Variants in ANO2 observed in about 807,000 individuals in gnomAD.
The protein encoded by ANO2 is anoctamin-2.
In ANO2, 101 loss-of-function variants were observed where a neutral mutation model predicts 124.2. That is an observed-to-expected ratio of 0.81 (90% CI 0.69 to 0.96). The LOEUF (loss-of-function observed/expected upper bound fraction) is 0.96. Ranked by LOEUF, ANO2 falls within the 40% of genes least tolerant of loss-of-function variation. The pLI is 0.00. For missense variants in ANO2, 1,293 were observed against 1,274.5 expected (o/e 1.01, Z -0.22); for synonymous variants, 486 against 482.5 (o/e 1.01, Z -0.09).
intron 3 of ANO2, among the ~76,000 whole-genome samples, chr12:5,919,940 G>A (rs1422116431): frequency 3.9e-5 from 6 of 151,934 alleles, no homozygotes; most frequent in African/African-American, 7.2e-5. Context: ...CTTGTGATCC[G>A]CCCGCCTCAG....
rs145044934 is a variant in ANO2 at position 5,752,491 on chromosome 12, T to G, written c.1056-1521A>C. ...AAACACTTTCTCCTATACCTGTTGGTCATTTGTATGTCTTCTTTGGTGAAA... is the reference window on the plus strand; with the variant it reads ...AAACACTTTCTCCTATACCTGTTGGGCATTTGTATGTCTTCTTTGGTGAAA... On this transcript the variant is annotated intron_variant, in intron 10 of 24. Coordinates refer to ENST00000682330, the MANE Select transcript of ANO2 (RefSeq NM_001364791.2). 2.3e-3 allele frequency among the ~76,000 whole-genome samples: 352 copies of G among 152,354 alleles called. 1 individual carries two copies. Among genetic ancestry groups the G allele is most frequent in the Middle Eastern group, 0.01 (3 of 294 alleles).
chr12:5,578,025 C>G lies in ANO2; in HGVS notation c.2387-18G>C. 19 of 1,612,914 alleles carry G rather than the reference C, an allele frequency of 1.2e-5. No homozygotes were observed. Among genetic ancestry groups the G allele is most frequent in the Non-Finnish European group, 1.5e-5 (18 of 1,179,388 alleles). ...CCAGATTCCTACAAGACAGAAAAGA[C>G]AGCGTCTGGCTCACTCCCGCCCTCG... On this transcript the variant is annotated intron_variant, in intron 21 of 24. Transcript: ENST00000682330.
At chr12:5,838,006 C>T (rs544164286) in intron 4 of ANO2, among the ~76,000 whole-genome samples, 4 of 151,886 alleles carry the variant, frequency 2.6e-5, no homozygotes, top group African/African-American at 9.7e-5. Context: ...ATCAAATAGA[C>T]GCAATAAAAA....
chr12:5,742,895 C>T (rs12580223), intron 12 of ANO2, among the ~76,000 whole-genome samples: 21,445 of 151,884 alleles, frequency 0.14, 1,881 homozygotes, highest in African/African-American at 0.25. Flanking sequence ...TGTGAACAGT[C>T]CCAGGAGTCT....
chr12:5,758,999 A>G (rs192757840), intron 10 of ANO2, among the ~76,000 whole-genome samples: 82 of 152,338 alleles, frequency 5.4e-4, no homozygotes, highest in East Asian at 3.1e-3. Context: ...ATACAAAGGG[A>G]AAAAAGAGTG....
chr12:5,718,842 ACTGCC>A (rs1288585462), intron 14 of ANO2, among the ~76,000 whole-genome samples: 1 of 152,104 alleles, frequency 6.6e-6, no homozygotes, highest in African/African-American at 2.4e-5. Flanking sequence ...TACTTGCTGG[ACTGCC>A]CTTCCCTTGG....
intron 14 of ANO2, among the ~76,000 whole-genome samples, chr12:5,676,381 C>T (rs747085251): frequency 6.6e-6 from 1 of 152,142 alleles, no homozygotes; most frequent in African/African-American, 2.4e-5. Context: ...GTTTTAGAAG[C>T]ATCGTGCCAA....
intron 4 of ANO2, among the ~76,000 whole-genome samples, chr12:5,834,464 G>A (rs1262508407): frequency 6.6e-6 from 1 of 152,226 alleles, no homozygotes; most frequent in Non-Finnish European, 1.5e-5. Flanking sequence ...TCAAAGAAAG[G>A]AGGCAGCACA....
rs987601864 is a variant in ANO2, at chr12:5,922,782, G to A, written c.45C>T (p.Ser15=). 6.5e-7 allele frequency: 1 copy of A among 1,534,998 alleles called. No homozygotes were observed. The highest frequency in any genetic ancestry group is 8.8e-7 in the Non-Finnish European group (1 of 1,141,840). ...CTGCCTGAGGGCTCAGCCGGCGTGG[G>A]GAGCCAGGGAGCAGGGGTATATCTG... The part of the protein sequence containing the change: ...GPRDIPLLPG[S]PRRLSPQAGS... The change falls in exon 2 of 25, where the codon TCC becomes TCT. Residue 15 remains serine (S), a synonymous_variant. Coordinates refer to ENST00000682330, the MANE Select transcript of ANO2 (RefSeq NM_001364791.2).
At chr12:5,768,621 C>T (rs1211989237) in intron 10 of ANO2, among the ~76,000 whole-genome samples, 1 of 152,220 alleles carries the variant, frequency 6.6e-6, no homozygotes, top group African/African-American at 2.4e-5. Context: ...CAGACCTGGG[C>T]CCCTCTCCTC....
chr12:5,807,410 GC>G (rs1263151998), intron 7 of ANO2, 42 bp from the exon 8 acceptor site: 9 of 1,525,518 alleles, frequency 5.9e-6, no homozygotes, highest in Non-Finnish European at 8.0e-6. Flanking sequence ...TCTGGGGCAA[GC>G]GTTTCTCAAC....
Position 5,578,500 on chromosome 12 carries a change from A to G in ANO2, c.2252T>C (p.Val751Ala). Residue 751 changes from valine (V) to alanine (A), a missense_variant, in exon 21 of 25, where the codon GTC (valine) becomes GCC (alanine). By Grantham distance (64) the Val-to-Ala change is moderately conservative. Coordinates refer to ENST00000682330, the MANE Select transcript of ANO2 (RefSeq NM_001364791.2). ...YMEMIIQFGFVTLFVASFPLA... is the reference protein window; with the variant it reads ...YMEMIIQFGFATLFVASFPLA... ...GGGAAAGGAGGCCACGAAGAGGGTG[A>G]CAAAACCAAACTGGATGACTGCGAG... The G allele has an allele frequency of 6.2e-7, 1 of 1,613,718 alleles. No individual in the cohort carries two copies. Among genetic ancestry groups the G allele is most frequent in the Non-Finnish European group, 8.5e-7 (1 of 1,179,786 alleles).
chr12:5,574,812 G>A (rs1819049076), intron 23 of ANO2, among the ~76,000 whole-genome samples: 1 of 152,096 alleles, frequency 6.6e-6, no homozygotes, highest in Non-Finnish European at 1.5e-5. Context: ...CACTAAAAAA[G>A]TCCAGTGTCT....
intron 20 of ANO2, among the ~76,000 whole-genome samples, chr12:5,594,963 G>T (rs899985209): frequency 2.7e-5 from 4 of 150,670 alleles, no homozygotes; most frequent in African/African-American, 7.3e-5. Flanking sequence ...TCCAGAATCA[G>T]AAGAGATCTT....
chr12:5,769,882 C>T lies in ANO2; in HGVS notation c.1056-18912G>A, dbSNP rs564611130. ...CACAGCCCCACCTAAGGGCAGAAAG[C>T]GTGGAGAGCAGTGTGGTCTATGTTT... is the stretch of plus-strand genomic sequence containing the variant. On this transcript the variant is annotated intron_variant, in intron 10 of 24. Transcript: ENST00000682330. This position sits in a 1 kb window ranked among gnomAD's most constrained non-coding sequence, Gnocchi z 4.0. Among the ~76,000 whole-genome samples, 48 of 152,152 alleles carry T rather than the reference C, an allele frequency of 3.2e-4. 2 individuals are homozygous for T. The highest frequency in any genetic ancestry group is 1.6e-4 in the Non-Finnish European group (11 of 68,022).
intron 3 of ANO2, among the ~76,000 whole-genome samples, chr12:5,886,244 A>C (rs1370256947): frequency 6.6e-6 from 1 of 152,242 alleles, no homozygotes; most frequent in Admixed American, 6.5e-5. Context: ...CTGTAAATGA[A>C]CGAATGGATA....
intron 4 of ANO2, among the ~76,000 whole-genome samples, chr12:5,849,284 C>T (rs116952262): frequency 0.032 from 4,896 of 152,252 alleles, 109 homozygotes; most frequent in Non-Finnish European, 0.047. Context: ...ACATGAAAGT[C>T]GTCCCTAATA....
intron 3 of ANO2, among the ~76,000 whole-genome samples, chr12:5,864,081 C>CA (rs1195167871): frequency 6.6e-6 from 1 of 151,882 alleles, no homozygotes; most frequent in African/African-American, 2.4e-5. Flanking sequence ...TTCCTAGGGC[C>CA]AAAAAAACAC....
At chr12:5,569,006 C>T (rs959684408) in intron 23 of ANO2, among the ~76,000 whole-genome samples, 1 of 152,248 alleles carries the variant, frequency 6.6e-6, no homozygotes, top group Admixed American at 6.5e-5. Context: ...CTGGAGGTTA[C>T]TTATGGAATA....
Sources: gnomAD v4.1 joint callset for allele counts (sites outside exome capture counted in the v4.1 genomes callset) on GRCh38, gnomAD v4.1.1 for gene constraint, Gnocchi (gnomAD v3.1) non-coding constraint, MANE v1.5 for transcripts, NCBI Gene and HGNC (gene_info 2026-07-23, HGNC 2026-07-21) for gene names.